The following EIF2D variants were observed in gnomAD, a reference collection of about 807,000 sequenced individuals.
The protein encoded by EIF2D is eukaryotic translation initiation factor 2D, also known as hepatocellular carcinoma-associated antigen 56.
A neutral mutation model predicts 77.4 loss-of-function variants in EIF2D; 56 were observed. That is an observed-to-expected ratio of 0.72 (90% CI 0.58 to 0.90). The LOEUF is 0.90. EIF2D is among the 40% of genes least tolerant of loss of function. The probability of loss-of-function intolerance (pLI) is 0.00; values close to 1 mark genes in which losing one functional copy is unlikely to be tolerated. For missense variants in EIF2D, 574 were observed against 706.5 expected (o/e 0.81, Z 2.13); for synonymous variants, 230 against 271.0 (o/e 0.85, Z 1.49).
downstream of EIF2D, among the ~76,000 whole-genome samples, chr1:206,569,193 C>T (rs185396875): frequency 7.9e-4 from 121 of 152,336 alleles, no homozygotes; most frequent in African/African-American, 2.7e-3. Context: ...CGTGTATTCG[C>T]GGGAGCCTTC....
rs1553410753 is a variant in EIF2D at position 206,599,113 on chromosome 1, C to G, written c.1203-21G>C. The G allele has an allele frequency of 1.9e-6, 3 of 1,611,814 alleles. No homozygotes were observed. On this transcript the variant is annotated intron_variant, in intron 10 of 14. Transcript: ENST00000271764. This position sits in a 1 kb window ranked among gnomAD's most constrained non-coding sequence, Gnocchi z 4.1. ...CCTTCCTAGGTGAGGAGAAGTGACC[C>G]AGGGGTTAGTTCATGCTGTGCCATG... is the stretch of plus-strand genomic sequence containing the variant.
intron 5 of EIF2D, chr1:206,605,158 C>T: frequency 2.6e-6 from 1 of 381,044 alleles, no homozygotes; most frequent in Non-Finnish European, 4.8e-6. Flanking sequence ...GCAGATGATC[C>T]CTAAGGTCTT....
In EIF2D at chr1:206,585,093, C is replaced by T. The variant is rs138549723; in HGVS notation, c.139-3931G>A. On this transcript the variant is annotated intron_variant and NMD_transcript_variant, in intron 2 of 5. Coordinates refer to the EIF2D transcript ENST00000472709. ...TCTACTTCCAGTTGTACGTACCCCACCTCTGCATTTCCAATCCTTTCCCGC... is the reference window on the plus strand; with the variant it reads ...TCTACTTCCAGTTGTACGTACCCCATCTCTGCATTTCCAATCCTTTCCCGC... 142 of 931,704 alleles carry T rather than the reference C, an allele frequency of 1.5e-4. 2 individuals are homozygous for T. The Middle Eastern group carries it at 1.5e-3, about 10-fold the overall frequency. 57.7% of individuals were successfully genotyped at this position (931,704 alleles called of 1,614,324 possible). A position where few individuals can be genotyped will look rare whatever the true frequency, so the allele number is the denominator to read the frequency against.
In EIF2D at chr1:206,584,262, G is replaced by A. The variant is rs540799440; in HGVS notation, c.139-3100C>T. 17 of 909,320 alleles carry A rather than the reference G, an allele frequency of 1.9e-5. No individual in the cohort carries two copies. Among genetic ancestry groups the A allele is most frequent in the South Asian group, 1.2e-4 (7 of 58,010 alleles). 56.3% of individuals were successfully genotyped at this position (909,320 alleles called of 1,614,324 possible). A position where few individuals can be genotyped will look rare whatever the true frequency, so the allele number is the denominator to read the frequency against. On this transcript the variant is annotated intron_variant and NMD_transcript_variant, in intron 2 of 5. Transcript: ENST00000472709. The surrounding 1 kb of genome is among the most constrained non-coding windows in gnomAD (Gnocchi z 4.9). ...CTGCTCCTTCCTCCAGCTCTCCCACGTCAGCAGAGGCAGGAAAGAACTCAA... is the reference window on the plus strand; with the variant it reads ...CTGCTCCTTCCTCCAGCTCTCCCACATCAGCAGAGGCAGGAAAGAACTCAA...
At chr1:206,605,143 G>A (rs1670138818) in intron 5 of EIF2D, 3 of 343,382 alleles carry the variant, frequency 8.7e-6, no homozygotes, top group African/African-American at 2.1e-5. Context: ...GTACTGAGAG[G>A]CAGAGCAGAT....
intron 7 of EIF2D, 60 bp downstream of exon 7, chr1:206,602,276 C>A: frequency 7.3e-7 from 1 of 1,379,266 alleles, no homozygotes; most frequent in Non-Finnish European, 1.0e-6. Context: ...TGTCCTACTA[C>A]CAAGGAGCAC....
intron 4 of EIF2D, 56 bp from the exon 5 acceptor site, chr1:206,605,563 T>C (rs991213247): frequency 1.4e-5 from 20 of 1,444,250 alleles, no homozygotes; most frequent in Middle Eastern, 1.7e-4. Context: ...GAAGGGCACA[T>C]GTTAGGATCA....
At chr1:206,596,873 G>C (rs1483070104) in intron 12 of EIF2D, among the ~76,000 whole-genome samples, 1 of 151,956 alleles carries the variant, frequency 6.6e-6, no homozygotes, top group African/African-American at 2.4e-5. Context: ...TTTAATTAAT[G>C]TTCCTTTTTG....
chr1:206,600,234 A>C, intron 8 of EIF2D, 29 bp downstream of exon 8: 1 of 1,611,482 alleles, frequency 6.2e-7, no homozygotes, highest in Non-Finnish European at 8.5e-7. Context: ...AACTCTCTGC[A>C]TGGGTCTGCA....
chr1:206,593,480 A>AGG, intron 14 of EIF2D, 139 bp downstream of exon 14: 1 of 503,648 alleles, frequency 2.0e-6, no homozygotes, highest in Non-Finnish European at 3.2e-6. Context: ...AGAGAGAGAG[A>AGG]GAGAGAGCGA....
intron 2 of EIF2D, among the ~76,000 whole-genome samples, chr1:206,609,855 C>G (rs1388090181): frequency 6.6e-6 from 1 of 152,124 alleles, no homozygotes; most frequent in Non-Finnish European, 1.5e-5. Flanking sequence ...TGATTAGCAG[C>G]AAAAACCCCT....
downstream of EIF2D, among the ~76,000 whole-genome samples, chr1:206,591,056 C>A (rs1553408862): frequency 6.6e-6 from 1 of 152,154 alleles, no homozygotes. Flanking sequence ...GTTCATGGAT[C>A]CTCTAAAGAC....
intron 5 of EIF2D, among the ~76,000 whole-genome samples, chr1:206,604,153 G>C (rs373977762): frequency 6.6e-6 from 1 of 152,170 alleles, no homozygotes; most frequent in East Asian, 1.9e-4. Flanking sequence ...TGTAAAATCA[G>C]TAAGTCCGGC....
At chr1:206,609,480 A>G (rs1370388811) in intron 2 of EIF2D, 21 bp from the exon 3 acceptor site, 2 of 1,597,340 alleles carry the variant, frequency 1.3e-6, no homozygotes, top group Middle Eastern at 1.7e-4. Flanking sequence ...AGAGATCCAG[A>G]AAACACTACT....
chr1:206,591,984 C>T, intron 14 of EIF2D, 139 bp from the exon 15 acceptor site: 1 of 737,020 alleles, frequency 1.4e-6, no homozygotes, highest in South Asian at 1.6e-5. Flanking sequence ...ACGCCTACAC[C>T]TCACAGCTGA....
At position 206,602,340 on chromosome 1, in the gene EIF2D, A is replaced by G. The variant is rs782289470; in HGVS notation, c.898T>C (p.Cys300Arg). The G allele has an allele frequency of 2.5e-6, 4 of 1,614,042 alleles. No homozygotes were observed. Among genetic ancestry groups the G allele is most frequent in the Non-Finnish European group, 2.5e-6 (3 of 1,179,846 alleles). Residue 300 changes from cysteine (C) to arginine (R), a missense_variant, in exon 7 of 15, where the codon TGC (cysteine) becomes CGC (arginine). Transcript: ENST00000271764. ...STFLGSHMFS[C>R]CPEGRQLDIK... Reference sequence around the variant, plus strand: ...CCACATCAGTGCTTTCCATACCAGCAGGAGAACATGTGGCTGCCAAGGAAA... The same window carrying G: ...CCACATCAGTGCTTTCCATACCAGCGGGAGAACATGTGGCTGCCAAGGAAA...
At chr1:206,578,040 TAG>T (rs1668719409) in intron 4 of EIF2D, among the ~76,000 whole-genome samples, 1 of 151,302 alleles carries the variant, frequency 6.6e-6, no homozygotes, top group Non-Finnish European at 1.5e-5. Context: ...CTGGGCAACA[TAG>T]CAAGGCACCT....
At chr1:206,595,511 C>G (rs1186873252) in intron 13 of EIF2D, 1 of 429,898 alleles carries the variant, frequency 2.3e-6, no homozygotes, top group Admixed American at 4.1e-5. Flanking sequence ...TTTCCTAGAA[C>G]AAAATCCTAG....
At chr1:206,607,776 G>C (rs911022445) in intron 4 of EIF2D, among the ~76,000 whole-genome samples, 1 of 152,132 alleles carries the variant, frequency 6.6e-6, no homozygotes, top group Non-Finnish European at 1.5e-5. Flanking sequence ...CATTGGATAC[G>C]TGAAGAGAAA....
Sources: allele counts gnomAD v4.1 joint callset (sites outside exome capture counted in the v4.1 genomes callset), GRCh38; gene constraint gnomAD v4.1.1; non-coding constraint Gnocchi (gnomAD v3.1); transcripts MANE v1.5; gene names NCBI Gene and HGNC (gene_info 2026-07-23, HGNC 2026-07-21).